Variants in TTBK2 observed in about 807,000 individuals in gnomAD.
The protein encoded by TTBK2 is tau tubulin kinase 2, also known as tau-tubulin kinase 2.
A neutral mutation model predicts 110.8 loss-of-function variants in TTBK2; 28 were observed. That is an observed-to-expected ratio of 0.25 (90% confidence interval 0.19 to 0.35). TTBK2 has a LOEUF of 0.35. TTBK2 is among the 10% of genes least tolerant of loss of function. The pLI is 1.00. For synonymous variants in TTBK2, 532 were observed against 527.3 expected (o/e 1.01, Z -0.12); for missense variants, 1,369 against 1,500.3 (o/e 0.91, Z 1.45).
chr15:42,807,693 G>A (rs977767105), intron 9 of TTBK2, among the ~76,000 whole-genome samples: 2 of 151,854 alleles, frequency 1.3e-5, no homozygotes, highest in African/African-American at 4.8e-5. Context: ...TGCCTCAATC[G>A]CCCAAGGTGC....
Position 42,811,742 on chromosome 15 carries a change from G to A in TTBK2, c.642C>T (p.Tyr214=). The A allele has an allele frequency of 6.2e-7, 1 of 1,613,644 alleles. No homozygotes were observed. Among genetic ancestry groups the A allele is most frequent in the African/African-American group, 1.3e-5 (1 of 74,996 alleles). The change falls in exon 8 of 15, where the codon TAC becomes TAT. Residue 214 remains tyrosine, a synonymous_variant. Transcript: ENST00000267890. The part of the protein sequence containing the change: ...GRHDDLWSLF[Y]MLVEFVVGQL... ...GACCAACCACAAACTCCACCAACAT[G>A]TAGAATAAGGACCAAAGGTCATCAT...
At chr15:42,804,924 TA>T (rs536402437) in intron 9 of TTBK2, among the ~76,000 whole-genome samples, 132 of 152,336 alleles carry the variant, frequency 8.7e-4, no homozygotes, top group African/African-American at 3.1e-3. Context: ...ATGAGGGCAC[TA>T]AATCATTACC....
In TTBK2 at chr15:42,775,702, A is replaced by G; in HGVS notation, c.1431T>C (p.Asp477=). The change falls in exon 13 of 15, where the codon GAT becomes GAC. Residue 477 remains aspartate (D), a synonymous_variant. Coordinates refer to ENST00000267890, the MANE Select transcript of TTBK2 (RefSeq NM_173500.4). The stretch of plus-strand genomic sequence containing the variant: ...GAATAGATTCTTTTCCTGCACTGGT[A>G]TCTTTCTGCATTTTCTCCAGGCTTA... ...LETCLEKMQK[D]TSAGKESILP... is the part of the protein sequence containing the mutation. 1 of 1,612,504 alleles carries G rather than the reference A, an allele frequency of 6.2e-7. No homozygotes were observed. The highest frequency in any genetic ancestry group is 1.3e-5 in the African/African-American group (1 of 75,036).
chr15:42,801,433 C>A, intron 9 of TTBK2: 1 of 958,776 alleles, frequency 1.0e-6, no homozygotes. Context: ...GGGAAGCCCT[C>A]TGGCCTTTGA....
intron 7 of TTBK2, among the ~76,000 whole-genome samples, chr15:42,813,319 C>T (rs957559232): frequency 6.6e-6 from 1 of 151,930 alleles, no homozygotes; most frequent in Non-Finnish European, 1.5e-5. Context: ...CTCAGGAGTT[C>T]AAGACTAGCC....
intron 1 of TTBK2, among the ~76,000 whole-genome samples, chr15:42,887,418 C>T (rs979092698): frequency 1.3e-5 from 2 of 152,152 alleles, no homozygotes; most frequent in Non-Finnish European, 2.9e-5. Flanking sequence ...GCACCCCTTG[C>T]CATCCCATTA....
chr15:42,828,064 T>TCTTATAATA lies in TTBK2; in HGVS notation c.433-41_433-33dup, dbSNP rs1567047085. 3 of 1,499,584 alleles carry TCTTATAATA rather than the reference T, an allele frequency of 2.0e-6. No homozygotes were observed. The Admixed American group carries it at 5.1e-5, about 25-fold the overall frequency. 92.9% of individuals were successfully genotyped at this position (1,499,584 alleles called of 1,614,324 possible). ...AAATAAAGAAGGAAAATATATACAT[T>TCTTATAATA]CTTATAATACTTAGTCCTTACATTT... On this transcript the variant is annotated intron_variant, in intron 5 of 14. Coordinates refer to ENST00000267890, the MANE Select transcript of TTBK2 (RefSeq NM_173500.4).
chr15:42,843,654 G>A (rs1893324532), intron 3 of TTBK2, among the ~76,000 whole-genome samples: 1 of 150,564 alleles, frequency 6.6e-6, no homozygotes, highest in African/African-American at 2.5e-5. Context: ...AGCTACTCAA[G>A]AGGCCGAGGC....
At chr15:42,822,906 G>A (rs549262438) in intron 6 of TTBK2, among the ~76,000 whole-genome samples, 1 of 152,246 alleles carries the variant, frequency 6.6e-6, no homozygotes, top group East Asian at 1.9e-4. Context: ...TGTTAGAGAT[G>A]GGATGAACTC....
chr15:42,813,812 G>A (rs1290745575), intron 7 of TTBK2, among the ~76,000 whole-genome samples: 1 of 150,718 alleles, frequency 6.6e-6, no homozygotes, highest in African/African-American at 2.4e-5. Context: ...CACCATTGCA[G>A]TCCAGCCTGG....
Position 42,815,958 on chromosome 15 carries a change from A to AAAAAATATATATAT in TTBK2, c.603+1073_603+1074insATATATATATTTTT, listed in dbSNP as rs71108183. Among the ~76,000 whole-genome samples the AAAAAATATATATAT allele has an allele frequency of 2.7e-3, 243 of 91,676 alleles. 8 individuals carry two copies. Among genetic ancestry groups the AAAAAATATATATAT allele is most frequent in the African/African-American group, 5.6e-3 (90 of 16,138 alleles). 60.1% of individuals were successfully genotyped at this position (91,676 alleles called of 152,430 possible). On this transcript the variant is annotated intron_variant, in intron 7 of 14. Transcript: ENST00000267890. ...TATATATATATATATTTAAAAAAAA[A>AAAAAATATATATAT]ATATATATATATATATATATTTGAG... is the stretch of plus-strand genomic sequence containing the variant.
chr15:42,883,486 A>G (rs940905458), intron 1 of TTBK2, among the ~76,000 whole-genome samples: 1 of 151,944 alleles, frequency 6.6e-6, no homozygotes, highest in African/African-American at 2.4e-5. Context: ...CATATTATGT[A>G]ATATTTATAT....
At chr15:42,846,932 G>A (rs1284773530) in intron 3 of TTBK2, among the ~76,000 whole-genome samples, 1 of 152,148 alleles carries the variant, frequency 6.6e-6, no homozygotes, top group African/African-American at 2.4e-5. Flanking sequence ...CCCAGAGAGG[G>A]CACAGAAGCT....
intron 1 of TTBK2, among the ~76,000 whole-genome samples, chr15:42,891,931 C>T (rs1895473381): frequency 6.6e-6 from 1 of 151,994 alleles, no homozygotes; most frequent in Non-Finnish European, 1.5e-5. Context: ...AGAATTAAAG[C>T]GAATTATAGG....
chr15:42,845,633 CAAAAAAAAAAAAAA>C (rs894783459), intron 3 of TTBK2, among the ~76,000 whole-genome samples: 2 of 15,280 alleles, frequency 1.3e-4, no homozygotes, highest in Non-Finnish European at 2.1e-4. Context: ...GGCTGCATCT[CAAAAAAAAAAAAAA>C]AAAAAAAAAA....
At chr15:42,856,800 A>G (rs1378023331) in intron 3 of TTBK2, among the ~76,000 whole-genome samples, 1 of 152,148 alleles carries the variant, frequency 6.6e-6, no homozygotes, top group Non-Finnish European at 1.5e-5. Context: ...GATGGCTCAC[A>G]CCTGTGATCC....
intron 9 of TTBK2, chr15:42,801,863 T>C (rs770100770): frequency 4.9e-6 from 5 of 1,012,898 alleles, no homozygotes; most frequent in Non-Finnish European, 7.8e-6. Flanking sequence ...GTACATTTAC[T>C]GATCTCAACC....
At chr15:42,841,521 T>C (rs2141018133) in intron 3 of TTBK2, among the ~76,000 whole-genome samples, 2 of 152,222 alleles carry the variant, frequency 1.3e-5, no homozygotes, top group South Asian at 4.1e-4. Flanking sequence ...TCAAAAGTTC[T>C]TTAAATGATC....
intron 1 of TTBK2, among the ~76,000 whole-genome samples, chr15:42,882,821 C>T (rs922039955): frequency 6.6e-6 from 1 of 152,042 alleles, no homozygotes; most frequent in Non-Finnish European, 1.5e-5. Context: ...TAAGGACATT[C>T]TCAGATAAAG....
Sources: allele counts gnomAD v4.1 joint callset (sites outside exome capture counted in the v4.1 genomes callset), GRCh38; gene constraint gnomAD v4.1.1; transcripts MANE v1.5; gene names NCBI Gene and HGNC (gene_info 2026-07-23, HGNC 2026-07-21).